CTNNA3: variants seen among roughly 807,000 people sequenced by gnomAD.
CTNNA3 encodes catenin alpha-3.
CTNNA3 carries 76 observed loss-of-function variants against 95.7 expected under a neutral mutation model. The observed-to-expected ratio is 0.79, with a 90% confidence interval of 0.66 to 0.96. The LOEUF is 0.96. Among genes scored for constraint, CTNNA3 ranks in the 40% least tolerant of loss-of-function variants. The probability of loss-of-function intolerance (pLI) is 0.00; values close to 1 mark genes in which losing one functional copy is unlikely to be tolerated. For synonymous variants in CTNNA3, 431 were observed against 374.4 expected (o/e 1.15, Z -1.74); for missense variants, 1,191 against 1,089.8 (o/e 1.09, Z -1.31).
At chr10:66,397,665 G>A (rs377764651) in intron 11 of CTNNA3, among the ~76,000 whole-genome samples, 28 of 151,820 alleles carry the variant, frequency 1.8e-4, no homozygotes, top group East Asian at 1.5e-3. Context: ...CAGTCTAGTC[G>A]TAGAAATAAG....
intron 15 of CTNNA3, among the ~76,000 whole-genome samples, chr10:66,068,721 C>T (rs890698514): frequency 1.3e-5 from 2 of 152,138 alleles, no homozygotes; most frequent in Non-Finnish European, 2.9e-5. Context: ...ACATTAGTTA[C>T]TAGTAGGGCA....
intron 9 of CTNNA3, among the ~76,000 whole-genome samples, chr10:66,698,480 C>G (rs1847838649): frequency 6.9e-6 from 1 of 145,796 alleles, no homozygotes; most frequent in South Asian, 2.2e-4. Context: ...GCCTGTGGCA[C>G]TGATTACAAA....
intron 7 of CTNNA3, among the ~76,000 whole-genome samples, chr10:66,971,139 A>T (rs1365622118): frequency 6.6e-6 from 1 of 152,058 alleles, no homozygotes; most frequent in Non-Finnish European, 1.5e-5. Flanking sequence ...TAGTGAAGTT[A>T]AAAAAAGGCT....
intron 15 of CTNNA3, among the ~76,000 whole-genome samples, chr10:65,998,481 C>T (rs2078709599): frequency 6.6e-6 from 1 of 152,306 alleles, no homozygotes; most frequent in Non-Finnish European, 1.5e-5. Context: ...AGTCTTACCA[C>T]ACTGAATTTC....
chr10:67,505,950 C>T (rs1564700321), intron 5 of CTNNA3, among the ~76,000 whole-genome samples: 1 of 152,052 alleles, frequency 6.6e-6, no homozygotes, highest in Non-Finnish European at 1.5e-5. Flanking sequence ...TGTAATAATA[C>T]AGTTAAAAAA....
chr10:66,070,086 T>C (rs1353766327), intron 14 of CTNNA3, among the ~76,000 whole-genome samples: 1 of 152,190 alleles, frequency 6.6e-6, no homozygotes. Context: ...AATATTTTCA[T>C]ATGTCTAATA....
chr10:65,956,581 T>C (rs1459353154), intron 17 of CTNNA3, among the ~76,000 whole-genome samples: 1 of 152,198 alleles, frequency 6.6e-6, no homozygotes, highest in Non-Finnish European at 1.5e-5. Context: ...GATTCTGGTA[T>C]GTTGTGTCTT....
intron 7 of CTNNA3, among the ~76,000 whole-genome samples, chr10:67,174,383 T>C (rs931231805): frequency 6.6e-6 from 1 of 152,162 alleles, no homozygotes; most frequent in African/African-American, 2.4e-5. Flanking sequence ...CAATGAGCAC[T>C]GCACAAGCTC....
At chr10:66,793,151 G>A in intron 7 of CTNNA3, among the ~76,000 whole-genome samples, 1 of 151,918 alleles carries the variant, frequency 6.6e-6, no homozygotes, top group East Asian at 1.9e-4. Context: ...TCATTTTCTT[G>A]TTTGTTGTTT....
At chr10:66,121,909 G>A (rs964234166) in intron 13 of CTNNA3, among the ~76,000 whole-genome samples, 2 of 152,154 alleles carry the variant, frequency 1.3e-5, no homozygotes, top group African/African-American at 4.8e-5. Flanking sequence ...CAGTAAAATT[G>A]TTTCTGGTAC....
At chr10:67,199,579 C>T (rs779694480) in intron 6 of CTNNA3, among the ~76,000 whole-genome samples, 11 of 152,070 alleles carry the variant, frequency 7.2e-5, no homozygotes, top group Non-Finnish European at 1.3e-4. Context: ...CCGTGTTAGC[C>T]AGGATGGTCT....
At chr10:67,679,677 A>T (rs4313467) in intron 1 of CTNNA3, among the ~76,000 whole-genome samples, 1 of 152,150 alleles carries the variant, frequency 6.6e-6, no homozygotes, top group African/African-American at 2.4e-5. Flanking sequence ...TTTTAAAAAA[A>T]TCATTGCTAA....
intron 15 of CTNNA3, among the ~76,000 whole-genome samples, chr10:66,016,224 T>C (rs2079093273): frequency 1.3e-5 from 2 of 152,312 alleles, no homozygotes; most frequent in South Asian, 4.1e-4. Flanking sequence ...CACACCTATT[T>C]ATGTAACCAG....
intron 13 of CTNNA3, among the ~76,000 whole-genome samples, chr10:66,163,927 C>T (rs1016972583): frequency 3.9e-5 from 6 of 152,034 alleles, no homozygotes; most frequent in Non-Finnish European, 7.4e-5. Context: ...TGGTAAGTAC[C>T]ATGGAAGTGT....
chr10:65,951,276 AAAG>A (rs1215311578), intron 17 of CTNNA3, among the ~76,000 whole-genome samples: 1 of 152,164 alleles, frequency 6.6e-6, no homozygotes, highest in African/African-American at 2.4e-5. Flanking sequence ...AAGGTAAAAC[AAAG>A]AAGAATAAGA....
At chr10:66,805,936 T>C (rs1841623126) in intron 7 of CTNNA3, among the ~76,000 whole-genome samples, 1 of 152,090 alleles carries the variant, frequency 6.6e-6, no homozygotes. Context: ...AGGAAGTTTT[T>C]TCAGCTTTCA....
chr10:66,887,575 T>TGTA (rs139089735), intron 7 of CTNNA3, among the ~76,000 whole-genome samples: 5,097 of 152,204 alleles, frequency 0.033, 117 homozygotes, highest in Middle Eastern at 0.051. Context: ...TCAGGGCCAA[T>TGTA]GTACCCGAGA....
At position 66,493,899 on chromosome 10, in the gene CTNNA3, C is replaced by CG. The variant is rs1840013452; in HGVS notation, c.1531+26717dup. ...GGATTACAGGCGTGAGCCACTGCGC[C>CG]GGCCTTTTTTTTTTTTTTTTTTTTT... On this transcript the variant is annotated intron_variant, in intron 11 of 17. Transcript: ENST00000433211. Among the ~76,000 whole-genome samples the CG allele has an allele frequency of 4.1e-5, 5 of 122,936 alleles. No homozygotes were observed. In the South Asian group the frequency reaches 1.3e-3, roughly 33 times the overall value. 80.7% of individuals were successfully genotyped at this position (122,936 alleles called of 152,430 possible). A position where few individuals can be genotyped will look rare whatever the true frequency, so the allele number is the denominator to read the frequency against.
At chr10:67,675,307 T>G (rs900134170) in intron 1 of CTNNA3, among the ~76,000 whole-genome samples, 2 of 152,160 alleles carry the variant, frequency 1.3e-5, no homozygotes, top group African/African-American at 2.4e-5. Context: ...GGTTTAGAAC[T>G]CAGTGGCCTA....
Sources: allele counts gnomAD v4.1 joint callset (sites outside exome capture counted in the v4.1 genomes callset), GRCh38; gene constraint gnomAD v4.1.1; transcripts MANE v1.5; gene names NCBI Gene and HGNC (gene_info 2026-07-23, HGNC 2026-07-21).